Variants in SNRPF observed in about 807,000 individuals in gnomAD.
The protein encoded by SNRPF is small nuclear ribonucleoprotein F.
SNRPF carries 1 observed loss-of-function variant against 13.4 expected under a neutral mutation model. That is an observed-to-expected ratio of 0.07 (90% CI 0.03 to 0.35). SNRPF has a LOEUF of 0.35. Ranked by LOEUF, SNRPF falls within the 10% of genes least tolerant of loss-of-function variation. The pLI, the probability that SNRPF is intolerant of heterozygous loss-of-function variation, is 0.99. For synonymous variants in SNRPF, 27 were observed against 32.1 expected (o/e 0.84, Z 0.54); for missense variants, 53 against 101.0 (o/e 0.52, Z 2.04).
At chr12:95,864,589 G>A (rs1343185611) in intron 2 of SNRPF, among the ~76,000 whole-genome samples, 4 of 152,134 alleles carry the variant, frequency 2.6e-5, no homozygotes, top group Non-Finnish European at 5.9e-5. Context: ...GTTTTTCCCT[G>A]TTTATTAGTA....
intron 2 of SNRPF, among the ~76,000 whole-genome samples, chr12:95,863,655 TGTGATAATAGGC>T: frequency 6.6e-6 from 1 of 152,284 alleles, no homozygotes; most frequent in East Asian, 1.9e-4. Flanking sequence ...GGTAATATAA[TGTGATAATAGGC>T]ATGATAGATG....
At chr12:95,865,204 G>A (rs192112768) in intron 2 of SNRPF, 120 bp from the exon 3 acceptor site, 119 of 452,560 alleles carry the variant, frequency 2.6e-4, no homozygotes, top group African/African-American at 2.0e-3. Context: ...ATTAATTATA[G>A]ATAAATTTGA....
intron 2 of SNRPF, among the ~76,000 whole-genome samples, chr12:95,864,426 G>T (rs1466151701): frequency 6.6e-6 from 1 of 152,146 alleles, no homozygotes; most frequent in Non-Finnish European, 1.5e-5. Flanking sequence ...TATAAAATTA[G>T]AAATAATTCA....
At chr12:95,859,369 C>T (rs1298926554) in intron 1 of SNRPF, among the ~76,000 whole-genome samples, 1 of 152,142 alleles carries the variant, frequency 6.6e-6, no homozygotes, top group Non-Finnish European at 1.5e-5. Context: ...TTTGCACTTC[C>T]CACTTAACCA....
At chr12:95,860,852 C>CTTTTTTTTTTTTTTTTTTTTTT (rs10689270) in intron 1 of SNRPF, among the ~76,000 whole-genome samples, 1 of 96,564 alleles carries the variant, frequency 1.0e-5, no homozygotes, top group African/African-American at 4.2e-5. Context: ...ACCTGGCCCG[C>CTTTTTTTTTTTTTTTTTTTTTT]TTTTTTTTTT....
At chr12:95,865,226 A>T in intron 2 of SNRPF, 98 bp from the exon 3 acceptor site, 1 of 534,652 alleles carries the variant, frequency 1.9e-6, no homozygotes, top group South Asian at 3.6e-5. Flanking sequence ...TTGTTGGTAT[A>T]GAAAGGTCTC....
At chr12:95,859,698 T>C (rs915879901) in intron 1 of SNRPF, among the ~76,000 whole-genome samples, 4 of 152,170 alleles carry the variant, frequency 2.6e-5, no homozygotes, top group Non-Finnish European at 5.9e-5. Flanking sequence ...GAAAGAAAGC[T>C]TGGTCATTTG....
chr12:95,866,010 A>G lies in SNRPF; in HGVS notation c.200A>G (p.Asn67Ser). Residue 67 changes from asparagine (N) to serine (S), a missense_variant, in exon 4 of 4, where the codon AAT becomes AGT. By Grantham distance (46) the Asn-to-Ser change is conservative. Coordinates refer to ENST00000266735, the MANE Select transcript of SNRPF (RefSeq NM_003095.5). ...TCGACTTTTTCTATTTACAGGTGTAATAATGTCCTTTATATCAGAGGTGTG... is the reference window on the plus strand; with the variant it reads ...TCGACTTTTTCTATTTACAGGTGTAGTAATGTCCTTTATATCAGAGGTGTG... ...GHLGEVLIRCNNVLYIRGVEE... is the reference protein window; with the variant it reads ...GHLGEVLIRCSNVLYIRGVEE... 6.6e-7 allele frequency: 1 copy of G among 1,509,166 alleles called. No homozygotes were observed. Among genetic ancestry groups the G allele is most frequent in the Non-Finnish European group, 9.1e-7 (1 of 1,097,102 alleles). The allele number at this position is 1,509,166 out of a possible 1,614,324, so 93.5% of individuals were successfully genotyped here. A position where few individuals can be genotyped will look rare whatever the true frequency, so the allele number is the denominator to read the frequency against.
chr12:95,859,269 G>T (rs2079482289), intron 1 of SNRPF, among the ~76,000 whole-genome samples, 193 bp downstream of exon 1: 1 of 152,144 alleles, frequency 6.6e-6, no homozygotes, highest in African/African-American at 2.4e-5. Context: ...TCTTTTCCTA[G>T]GAGTGCCCGT....
chr12:95,865,214 A>G (rs958639042), intron 2 of SNRPF, 110 bp from the exon 3 acceptor site: 1 of 474,462 alleles, frequency 2.1e-6, no homozygotes, highest in African/African-American at 2.0e-5. Flanking sequence ...GATAAATTTG[A>G]GTTGTTGGTA....
chr12:95,865,367 A>G lies in SNRPF; in HGVS notation c.173A>G (p.His58Arg). 1.3e-6 allele frequency: 2 copies of G among 1,568,600 alleles called. No individual in the cohort carries two copies. The highest frequency in any genetic ancestry group is 1.8e-6 in the Non-Finnish European group (2 of 1,139,598). Reference protein sequence around the residue: ...EEYIDGALSGHLGEVLIRCNN... With the variant: ...EEYIDGALSGRLGEVLIRCNN... ...TACATAGATGGAGCTTTGTCTGGAC[A>G]TCTGGGTGAAGTTTTAATAAGGTAA... Residue 58 changes from histidine to arginine, a missense_variant, in exon 3 of 4, where the codon CAT becomes CGT. Transcript: ENST00000266735.
intron 2 of SNRPF, among the ~76,000 whole-genome samples, chr12:95,863,760 C>A (rs895677364): frequency 6.6e-5 from 10 of 152,104 alleles, no homozygotes; most frequent in African/African-American, 2.4e-4. Flanking sequence ...CTGGAAGATA[C>A]CAGAATTAGT....
At chr12:95,860,286 T>C (rs2079489020) in intron 1 of SNRPF, among the ~76,000 whole-genome samples, 1 of 152,180 alleles carries the variant, frequency 6.6e-6, no homozygotes, top group African/African-American at 2.4e-5. Context: ...GAATTGTATG[T>C]CCCCAAAACC....
At chr12:95,861,130 A>G (rs2079493895) in intron 1 of SNRPF, 38 bp from the exon 2 acceptor site, 1 of 1,574,206 alleles carries the variant, frequency 6.4e-7, no homozygotes, top group African/African-American at 1.4e-5. Context: ...GGTGGGAGGA[A>G]AAATAATTAA....
chr12:95,865,041 C>A, intron 2 of SNRPF: 1 of 221,674 alleles, frequency 4.5e-6, no homozygotes. Context: ...TGCCTTCTTC[C>A]ACACACTGTT....
chr12:95,861,375 A>G, intron 2 of SNRPF, 82 bp downstream of exon 2: 1 of 1,300,718 alleles, frequency 7.7e-7, no homozygotes, highest in South Asian at 1.3e-5. Context: ...CTGACTAATA[A>G]GAATACATAC....
intron 2 of SNRPF, among the ~76,000 whole-genome samples, chr12:95,864,495 T>C (rs1019580323): frequency 6.6e-6 from 1 of 152,238 alleles, no homozygotes; most frequent in Non-Finnish European, 1.5e-5. Context: ...AATAATACCA[T>C]AAGGGAAACA....
intron 2 of SNRPF, among the ~76,000 whole-genome samples, chr12:95,864,859 C>T (rs914305944): frequency 6.6e-6 from 1 of 152,320 alleles, no homozygotes; most frequent in East Asian, 1.9e-4. Flanking sequence ...TATGATTGTG[C>T]CACTGCATTC....
intron 2 of SNRPF, among the ~76,000 whole-genome samples, chr12:95,864,675 C>G (rs2079512925): frequency 6.6e-6 from 1 of 152,206 alleles, no homozygotes. Context: ...GAGGCCAAGG[C>G]AGGAGGATCA....
Sources: allele counts gnomAD v4.1 joint callset (sites outside exome capture counted in the v4.1 genomes callset), GRCh38; gene constraint gnomAD v4.1.1; transcripts MANE v1.5; gene names NCBI Gene and HGNC (gene_info 2026-07-23, HGNC 2026-07-21).